TRAPPC9: variants seen among roughly 807,000 people sequenced by gnomAD.
TRAPPC9 encodes the protein IKK2 binding protein.
Under a neutral mutation model 124.0 loss-of-function variants are expected in TRAPPC9, and 83 were observed. That is an observed-to-expected ratio of 0.67 (90% CI 0.56 to 0.80). The LOEUF is 0.80. TRAPPC9 is among the 30% of genes least tolerant of loss of function. The pLI is 0.00. For synonymous variants in TRAPPC9, 638 were observed against 617.5 expected (o/e 1.03, Z -0.49); for missense variants, 1,302 against 1,508.3 (o/e 0.86, Z 2.27).
intron 21 of TRAPPC9, among the ~76,000 whole-genome samples, chr8:139,830,958 C>G (rs1020270260): frequency 6.6e-6 from 1 of 152,252 alleles, no homozygotes; most frequent in Admixed American, 6.5e-5. Context: ...TCGCTGGCCG[C>G]GCTGACTGAC....
chr8:140,088,394 G>A (rs559178055), intron 17 of TRAPPC9, among the ~76,000 whole-genome samples: 6 of 152,298 alleles, frequency 3.9e-5, no homozygotes, highest in African/African-American at 1.4e-4. Context: ...CACCAACCTA[G>A]AGATAAACAA....
At position 140,062,470 on chromosome 8, in the gene TRAPPC9, C is replaced by T. The variant is rs371306378; in HGVS notation, c.2557-38391G>A. ...GGCTGTGTCCTCCGCAGCCCCAGGG[C>T]CTTTACTCCAGCTGCTGCTTCTCCC... On this transcript the variant is annotated intron_variant, in intron 17 of 22. Coordinates refer to ENST00000438773, the MANE Select transcript of TRAPPC9 (RefSeq NM_001160372.4). Among the ~76,000 whole-genome samples, 18 of 152,286 alleles carry T rather than the reference C, an allele frequency of 1.2e-4. No individual in the cohort carries two copies. The East Asian group carries it at 3.3e-3, about 28-fold the overall frequency.
intron 5 of TRAPPC9, among the ~76,000 whole-genome samples, chr8:140,412,398 C>T (rs1206525398): frequency 6.6e-6 from 1 of 152,176 alleles, no homozygotes; most frequent in Non-Finnish European, 1.5e-5. Flanking sequence ...TGATCCTGGA[C>T]TGGATCCCGC....
At chr8:140,090,277 C>T (rs996291588) in intron 17 of TRAPPC9, among the ~76,000 whole-genome samples, 3 of 152,078 alleles carry the variant, frequency 2.0e-5, no homozygotes, top group Non-Finnish European at 2.9e-5. Flanking sequence ...TATATACACA[C>T]GGAAACACAC....
intron 20 of TRAPPC9, among the ~76,000 whole-genome samples, chr8:139,909,057 C>A (rs1232691039): frequency 1.3e-5 from 2 of 152,176 alleles, no homozygotes; most frequent in African/African-American, 4.8e-5. Context: ...TTAGCTTGAA[C>A]AAAGGAATTG....
chr8:139,830,562 A>G (rs1825922435), intron 21 of TRAPPC9, among the ~76,000 whole-genome samples: 1 of 151,246 alleles, frequency 6.6e-6, no homozygotes, highest in Non-Finnish European at 1.5e-5. Context: ...AAGCACATGC[A>G]AATACACATG....
chr8:140,423,035 TA>T (rs1361135754), intron 5 of TRAPPC9, among the ~76,000 whole-genome samples: 1 of 152,218 alleles, frequency 6.6e-6, no homozygotes, highest in Non-Finnish European at 1.5e-5. Flanking sequence ...AGTAGTAATG[TA>T]AAGTGGTACA....
intron 16 of TRAPPC9, among the ~76,000 whole-genome samples, chr8:140,223,643 A>G (rs2063385217): frequency 6.6e-6 from 1 of 152,164 alleles, no homozygotes; most frequent in East Asian, 1.9e-4. Flanking sequence ...CAAAATGTAT[A>G]TTTCCAAATT....
chr8:140,389,125 T>G (rs558458569), intron 7 of TRAPPC9, among the ~76,000 whole-genome samples: 1 of 151,752 alleles, frequency 6.6e-6, no homozygotes, highest in Non-Finnish European at 1.5e-5. Flanking sequence ...GCCTGGTTAA[T>G]TTTGTATTTT....
chr8:139,955,612 G>A (rs925506086), intron 19 of TRAPPC9, among the ~76,000 whole-genome samples: 1 of 152,158 alleles, frequency 6.6e-6, no homozygotes, highest in Non-Finnish European at 1.5e-5. Context: ...AGGATTCCTC[G>A]AGAACTGCAC....
intron 21 of TRAPPC9, among the ~76,000 whole-genome samples, chr8:139,765,183 G>T (rs2130389772): frequency 6.6e-6 from 1 of 152,302 alleles, no homozygotes; most frequent in East Asian, 1.9e-4. Flanking sequence ...ACTCTCTCCA[G>T]TTGGTTCGTT....
At chr8:140,447,280 A>G (rs897888480) in intron 2 of TRAPPC9, among the ~76,000 whole-genome samples, 1 of 152,244 alleles carries the variant, frequency 6.6e-6, no homozygotes, top group African/African-American at 2.4e-5. Flanking sequence ...AAAAAAAGCT[A>G]AAATTAAAAA....
chr8:140,436,393 GT>G, intron 3 of TRAPPC9, among the ~76,000 whole-genome samples: 1 of 152,312 alleles, frequency 6.6e-6, no homozygotes, highest in South Asian at 2.1e-4. Context: ...TGTGTTAACA[GT>G]TTTATGAAAA....
At chr8:140,066,975 G>A (rs910019778) in intron 17 of TRAPPC9, among the ~76,000 whole-genome samples, 1 of 152,186 alleles carries the variant, frequency 6.6e-6, no homozygotes, top group African/African-American at 2.4e-5. Context: ...TGTAAGCTTA[G>A]GGAAAACATC....
intron 21 of TRAPPC9, among the ~76,000 whole-genome samples, chr8:139,768,433 C>T (rs928144617): frequency 2.0e-5 from 3 of 152,150 alleles, no homozygotes; most frequent in African/African-American, 4.8e-5. Flanking sequence ...CCAGGCCCTG[C>T]GGGCCACACC....
intron 15 of TRAPPC9, among the ~76,000 whole-genome samples, chr8:140,260,697 C>G (rs1250439823): frequency 6.6e-6 from 1 of 152,204 alleles, no homozygotes; most frequent in East Asian, 1.9e-4. Flanking sequence ...CACATTACAG[C>G]TACATTGTCC....
chr8:140,391,364 A>G (rs1366875063), intron 7 of TRAPPC9, among the ~76,000 whole-genome samples: 1 of 152,254 alleles, frequency 6.6e-6, no homozygotes, highest in Non-Finnish European at 1.5e-5. Context: ...TTTTTCAAAC[A>G]ATTCCTTACT....
At chr8:139,911,450 TC>T (rs1424757641) in intron 19 of TRAPPC9, 2 of 152,330 alleles carry the variant, frequency 1.3e-5, no homozygotes, top group Admixed American at 6.5e-5. Context: ...ACACCTGTAA[TC>T]CCAGCACTTT....
chr8:139,819,372 C>T (rs755663042), intron 21 of TRAPPC9, among the ~76,000 whole-genome samples: 5 of 152,040 alleles, frequency 3.3e-5, no homozygotes, highest in South Asian at 2.1e-4. Flanking sequence ...ATAAAGTGCA[C>T]GATAAATGTA....
Sources: allele counts gnomAD v4.1 joint callset (sites outside exome capture counted in the v4.1 genomes callset), GRCh38; gene constraint gnomAD v4.1.1; transcripts MANE v1.5; gene names NCBI Gene and HGNC (gene_info 2026-07-23, HGNC 2026-07-21).